PRIM2: variants seen among roughly 807,000 people sequenced by gnomAD.
The protein encoded by PRIM2 is DNA primase large subunit.
Under a neutral mutation model 67.3 loss-of-function variants are expected in PRIM2, and 39 were observed. That is an observed-to-expected ratio of 0.58 (90% CI 0.45 to 0.76). The LOEUF (loss-of-function observed/expected upper bound fraction) is 0.76. PRIM2 is among the 30% of genes least tolerant of loss of function. The pLI, the probability that PRIM2 is intolerant of heterozygous loss-of-function variation, is 0.00. For missense variants in PRIM2, 398 were observed against 598.7 expected, an observed-to-expected ratio of 0.66 and a Z score of 3.50; for synonymous variants, 143 against 198.7, an observed-to-expected ratio of 0.72 and a Z score of 2.36.
chr6:57,400,430 A>G (rs1770669180), intron 7 of PRIM2, among the ~76,000 whole-genome samples: 1 of 152,158 alleles, frequency 6.6e-6, no homozygotes, highest in South Asian at 2.1e-4. Flanking sequence ...TAGGCCCCTA[A>G]TCTTTTCTGG....
chr6:57,407,752 C>G (rs1471744511), intron 7 of PRIM2, among the ~76,000 whole-genome samples: 1 of 152,132 alleles, frequency 6.6e-6, no homozygotes, highest in Non-Finnish European at 1.5e-5. Flanking sequence ...GGTCAAGAGC[C>G]TCTGAACTGA....
At chr6:57,593,409 T>G (rs1282764775) in intron 10 of PRIM2, among the ~76,000 whole-genome samples, 7 of 151,988 alleles carry the variant, frequency 4.6e-5, no homozygotes, top group Non-Finnish European at 8.8e-5. Context: ...TTCAAGTGAC[T>G]CTCTTGCCTT....
chr6:57,414,868 C>G (rs5026578), intron 7 of PRIM2, among the ~76,000 whole-genome samples: 1 of 151,880 alleles, frequency 6.6e-6, no homozygotes, highest in Non-Finnish European at 1.5e-5. Flanking sequence ...ATTTATTTCC[C>G]CTTAATACTT....
At chr6:57,524,659 C>T (rs1774707443) in intron 8 of PRIM2, among the ~76,000 whole-genome samples, 1 of 151,894 alleles carries the variant, frequency 6.6e-6, no homozygotes, top group African/African-American at 2.4e-5. Flanking sequence ...CGAGATCGTA[C>T]CATTGCACTC....
the PRIM2 span, among the ~76,000 whole-genome samples, chr6:57,275,966 A>G: frequency 2.6e-5 from 4 of 152,230 alleles, no homozygotes; most frequent in Non-Finnish European, 4.4e-5. Context: ...GAAATATTGT[A>G]TAGCAGTGAC....
chr6:57,637,097 G>T (rs1777135644), intron 13 of PRIM2, among the ~76,000 whole-genome samples: 1 of 152,210 alleles, frequency 6.6e-6, no homozygotes, highest in Non-Finnish European at 1.5e-5. Flanking sequence ...GCCTCCACTG[G>T]TGATACACAG....
intron 5 of PRIM2, among the ~76,000 whole-genome samples, chr6:57,351,108 T>G (rs1768843705): frequency 6.6e-6 from 1 of 151,446 alleles, no homozygotes; most frequent in Non-Finnish European, 1.5e-5. Context: ...AGTTGAGACA[T>G]AAGGTCACCA....
intron 10 of PRIM2, among the ~76,000 whole-genome samples, chr6:57,541,436 G>A (rs1404651671): frequency 2.2e-4 from 34 of 152,034 alleles, no homozygotes; most frequent in African/African-American, 8.2e-4. Context: ...TTTATTGTGA[G>A]GTTACAGTGA....
chr6:57,422,193 C>T (rs1357826923), intron 7 of PRIM2, among the ~76,000 whole-genome samples: 5 of 96,568 alleles, frequency 5.2e-5, no homozygotes, highest in Admixed American at 2.7e-4. Context: ...CTCTCTCAGT[C>T]GCCCAGGCTG....
intron 7 of PRIM2, among the ~76,000 whole-genome samples, chr6:57,426,192 G>A (rs1412389016): frequency 1.3e-5 from 2 of 152,070 alleles, no homozygotes; most frequent in East Asian, 3.9e-4. Flanking sequence ...AATGAGATAA[G>A]GAACATTCCC....
chr6:57,328,145 C>T (rs6911353), intron 5 of PRIM2, among the ~76,000 whole-genome samples: 19,304 of 152,046 alleles, frequency 0.13, 1,378 homozygotes, highest in African/African-American at 0.18. Context: ...TTGGAGACCC[C>T]AGTTGTAGAG....
the PRIM2 span, among the ~76,000 whole-genome samples, chr6:57,270,288 G>T: frequency 6.6e-6 from 1 of 151,944 alleles, no homozygotes; most frequent in Non-Finnish European, 1.5e-5. Flanking sequence ...CCATTTCTTT[G>T]TATCCTCTTT....
At chr6:57,601,299 T>C in intron 11 of PRIM2, 80 bp downstream of exon 11, 3 of 1,425,798 alleles carry the variant, frequency 2.1e-6, no homozygotes, top group Non-Finnish European at 2.8e-6. Flanking sequence ...ATGTTGTGGC[T>C]TTTTGCATTC....
rs1240058965 is a variant in PRIM2 at position 57,635,076 on chromosome 6, G to T, written c.1299+2875G>T. Among the ~76,000 whole-genome samples the T allele has an allele frequency of 5.5e-3, 830 of 152,224 alleles. 19 individuals carry two copies. The highest frequency in any genetic ancestry group is 9.7e-4 in the Non-Finnish European group (66 of 68,030). ...CTATGTTTATTTTCCCAAGGCCTCT[G>T]TGATCAAACTTACTTAAATGGAAGT... On this transcript the variant is annotated intron_variant, in intron 13 of 13. Transcript: ENST00000615550.
At chr6:57,241,386 A>T in the PRIM2 span, among the ~76,000 whole-genome samples, 1 of 151,930 alleles carries the variant, frequency 6.6e-6, no homozygotes, top group Non-Finnish European at 1.5e-5. Flanking sequence ...TCCAGCCTGG[A>T]TGACAGAGTG....
At chr6:57,320,431 A>T (rs1405626505) in intron 2 of PRIM2, 26 bp from the exon 3 acceptor site, 2 of 1,472,998 alleles carry the variant, frequency 1.4e-6, no homozygotes, top group African/African-American at 2.8e-5. Flanking sequence ...ATTATCTTGC[A>T]TTTATACCTT....
chr6:57,362,542 C>A (rs5001965), intron 5 of PRIM2, among the ~76,000 whole-genome samples: 4 of 152,040 alleles, frequency 2.6e-5, no homozygotes, highest in Non-Finnish European at 5.9e-5. Flanking sequence ...TCTTTCATGA[C>A]TCAGAATCTG....
At chr6:57,509,306 A>C (rs1158816105) in intron 8 of PRIM2, among the ~76,000 whole-genome samples, 3 of 152,146 alleles carry the variant, frequency 2.0e-5, no homozygotes, top group Admixed American at 6.6e-5. Flanking sequence ...ACATTTATAC[A>C]TGATTGTTAA....
intron 5 of PRIM2, among the ~76,000 whole-genome samples, chr6:57,339,817 C>T (rs1768405471): frequency 1.3e-5 from 2 of 152,160 alleles, no homozygotes; most frequent in Non-Finnish European, 2.9e-5. Flanking sequence ...ATGTCTAAAA[C>T]ACCAAAAGCA....
Sources: gnomAD v4.1 joint callset for allele counts (sites outside exome capture counted in the v4.1 genomes callset) on GRCh38, gnomAD v4.1.1 for gene constraint, MANE v1.5 for transcripts, NCBI Gene and HGNC (gene_info 2026-07-23, HGNC 2026-07-21) for gene names.